ZNF334: variants seen among roughly 807,000 people sequenced by gnomAD.
ZNF334 encodes zinc finger protein 334.
ZNF334 carries 14 observed loss-of-function variants against 12.4 expected under a neutral mutation model. That is an observed-to-expected ratio of 1.13 (90% CI 0.74 to 1.76). The LOEUF (loss-of-function observed/expected upper bound fraction) is 1.76, where lower values mean the gene tolerates loss of function less well. Among genes scored for constraint, ZNF334 ranks in the 40% most tolerant of loss-of-function variants. The pLI is 0.00. For missense variants in ZNF334, 797 were observed against 804.5 expected (o/e 0.99, Z 0.11); for synonymous variants, 273 against 269.6 (o/e 1.01, Z -0.12).
intron 2 of ZNF334, among the ~76,000 whole-genome samples, chr20:46,511,851 C>G (rs2061661996): frequency 6.6e-6 from 1 of 152,120 alleles, no homozygotes; most frequent in Non-Finnish European, 1.5e-5. Flanking sequence ...ATGGGAAAAC[C>G]ACACAAAAAT....
intron 2 of ZNF334, chr20:46,509,459 C>T (rs376547050): frequency 6.0e-6 from 4 of 663,696 alleles, no homozygotes; most frequent in East Asian, 2.7e-5. Context: ...TCACTACAAG[C>T]CCCAAAGAGG....
chr20:46,506,801 A>G (rs2061448134), intron 2 of ZNF334, among the ~76,000 whole-genome samples: 1 of 152,090 alleles, frequency 6.6e-6, no homozygotes, highest in Non-Finnish European at 1.5e-5. Context: ...ATATCTTTCT[A>G]TACGGTTTTG....
At chr20:46,493,553 G>A in the ZNF334 span, among the ~76,000 whole-genome samples, 1 of 152,184 alleles carries the variant, frequency 6.6e-6, no homozygotes, top group Non-Finnish European at 1.5e-5. Context: ...GGAGACTGAG[G>A]TGGGTGGATC....
In ZNF334 at chr20:46,502,874, G is replaced by A. The variant is rs199610014; in HGVS notation, c.465C>T (p.Ser155=). 5.6e-6 allele frequency: 9 copies of A among 1,613,200 alleles called. No individual in the cohort carries two copies. Among genetic ancestry groups the A allele is most frequent in the Non-Finnish European group, 5.9e-6 (7 of 1,179,812 alleles). The stretch of plus-strand genomic sequence containing the variant: ...CATCAGGAATCTTTCTGTTTTCTTT[G>A]CTTTTCTTTGCAACAATTACTTCTG... The part of the protein sequence containing the change: ...TNSEVIVAKK[S]KENRKIPDGY... Residue 155 remains serine (S), a synonymous_variant, in exon 5 of 5, where the codon AGC becomes AGT. Transcript: ENST00000692313.
At chr20:46,471,568 C>T in the ZNF334 span, among the ~76,000 whole-genome samples, 247 of 152,242 alleles carry the variant, frequency 1.6e-3, no homozygotes, top group African/African-American at 5.8e-3. Context: ...TATTATATCA[C>T]CTAATGCTTT....
intron 2 of ZNF334, among the ~76,000 whole-genome samples, chr20:46,511,819 A>C (rs1291630384): frequency 6.6e-6 from 1 of 152,204 alleles, no homozygotes; most frequent in African/African-American, 2.4e-5. Flanking sequence ...AGATCATCCA[A>C]GAAAATTTTT....
intron 4 of ZNF334, 140 bp from the exon 5 acceptor site, chr20:46,503,237 A>G (rs2061314323): frequency 1.9e-6 from 2 of 1,029,410 alleles, no homozygotes; most frequent in East Asian, 2.8e-5. Context: ...TCAAGTGCAA[A>G]TATCTCTTAC....
Position 46,501,246 on chromosome 20 carries a change from G to T in ZNF334, c.*50C>A, listed in dbSNP as rs1568848912. On this transcript the variant is annotated 3_prime_UTR_variant, in exon 5 of 5. Transcript: ENST00000692313. The stretch of plus-strand genomic sequence containing the variant: ...ATACATACTCACAGTTTAGCATTGT[G>T]TAAGTTATTTGATTTGTTGCTTTGT... 1 of 1,570,932 alleles carries T rather than the reference G, an allele frequency of 6.4e-7. No individual in the cohort carries two copies.
chr20:46,511,736 G>C (rs911607294), intron 2 of ZNF334, among the ~76,000 whole-genome samples: 3 of 152,158 alleles, frequency 2.0e-5, no homozygotes, highest in Non-Finnish European at 4.4e-5. Flanking sequence ...CCTGGGTATA[G>C]AAGTCACAGG....
At chr20:46,471,803 T>C in the ZNF334 span, among the ~76,000 whole-genome samples, 1 of 152,244 alleles carries the variant, frequency 6.6e-6, no homozygotes, top group Non-Finnish European at 1.5e-5. Context: ...TCTGTTCTTA[T>C]GCCAACACCA....
At chr20:46,468,441 A>AT in the ZNF334 span, among the ~76,000 whole-genome samples, 27,252 of 142,692 alleles carry the variant, frequency 0.19, 3,074 homozygotes, top group African/African-American at 0.33. Flanking sequence ...TGACTGGCTA[A>AT]TTTTTTTTTT....
At chr20:46,477,841 C>T in the ZNF334 span, among the ~76,000 whole-genome samples, 1 of 152,226 alleles carries the variant, frequency 6.6e-6, no homozygotes, top group Admixed American at 6.5e-5. Context: ...GCTTAGCACT[C>T]AGTATCTTCC....
chr20:46,504,633 G>A lies in ZNF334; in HGVS notation c.129C>T (p.Tyr43=), dbSNP rs755125830. The change falls in exon 3 of 5, where the codon TAC becomes TAT. Residue 43 remains tyrosine, a synonymous_variant. Transcript: ENST00000692313. ...LLYRDVMLEN[Y]SNLVSVGYHV... ...CCTTACCCACAGAGACCAAGTTGCT[G>A]TAGTTCTCCAGCATCACATCCCTGT... 6.2e-7 allele frequency: 1 copy of A among 1,604,506 alleles called. No individual in the cohort carries two copies. Among genetic ancestry groups the A allele is most frequent in the Admixed American group, 1.7e-5 (1 of 57,532 alleles).
At chr20:46,509,208 A>G (rs2061552632) in intron 2 of ZNF334, among the ~76,000 whole-genome samples, 1 of 152,132 alleles carries the variant, frequency 6.6e-6, no homozygotes, top group African/African-American at 2.4e-5. Flanking sequence ...TTCGAGTTCT[A>G]TTGATTTTTT....
chr20:46,477,600 G>C, the ZNF334 span, among the ~76,000 whole-genome samples: 1 of 152,238 alleles, frequency 6.6e-6, no homozygotes, highest in Non-Finnish European at 1.5e-5. Flanking sequence ...GCCCTGTAAA[G>C]TGCTAGGATT....
At chr20:46,505,406 G>A (rs2061396088) in intron 2 of ZNF334, 1 of 153,002 alleles carries the variant, frequency 6.5e-6, no homozygotes, top group Admixed American at 6.5e-5. Flanking sequence ...ATATTTCCAA[G>A]TGAGTTCCAG....
At chr20:46,495,735 G>T (rs2061011200), downstream of ZNF334, among the ~76,000 whole-genome samples, 1 of 152,170 alleles carries the variant, frequency 6.6e-6, no homozygotes, top group African/African-American at 2.4e-5. Flanking sequence ...GGATGCACGT[G>T]TGTTTCCACT....
chr20:46,502,157 C>T lies in ZNF334; in HGVS notation c.1182G>A (p.Ala394=), dbSNP rs770758416. ...KTFFCQSALT[A]HQRIHTGEKP... Reference sequence around the variant, plus strand: ...TTTCCCCTGTGTGAATTCTCTGATGCGCAGTAAGGGCTGACTGACAGAAGA... The same window carrying T: ...TTTCCCCTGTGTGAATTCTCTGATGTGCAGTAAGGGCTGACTGACAGAAGA... The change falls in exon 5 of 5, where the codon GCG becomes GCA. Residue 394 remains alanine, a synonymous_variant. Coordinates refer to ENST00000692313, the MANE Select transcript of ZNF334 (RefSeq NM_001353824.2). 30 of 1,613,868 alleles carry T rather than the reference C, an allele frequency of 1.9e-5. 1 individual carries two copies. Among genetic ancestry groups the T allele is most frequent in the Middle Eastern group, 1.7e-4 (1 of 6,060 alleles).
At chr20:46,470,454 C>T in the ZNF334 span, among the ~76,000 whole-genome samples, 1 of 152,200 alleles carries the variant, frequency 6.6e-6, no homozygotes, top group African/African-American at 2.4e-5. Context: ...GTGGGAGAGG[C>T]AGGAGGGATG....
Sources: allele counts gnomAD v4.1 joint callset (sites outside exome capture counted in the v4.1 genomes callset), GRCh38; gene constraint gnomAD v4.1.1; transcripts MANE v1.5; gene names NCBI Gene and HGNC (gene_info 2026-07-23, HGNC 2026-07-21).